Variants in LINGO2 observed in about 807,000 individuals in gnomAD.
LINGO2 encodes the protein leucine-rich repeat and immunoglobulin-like domain-containing nogo receptor-interacting protein 2.
In LINGO2, 14 loss-of-function variants were observed where a neutral mutation model predicts 30.6. The observed-to-expected ratio is 0.46, with a 90% CI of 0.30 to 0.72. LINGO2 has a LOEUF of 0.72. Among genes scored for constraint, LINGO2 ranks in the 30% least tolerant of loss-of-function variants. The pLI, the probability that LINGO2 is intolerant of heterozygous loss-of-function variation, is 0.07. For missense variants in LINGO2, 729 were observed against 751.7 expected (o/e 0.97, Z 0.35); for synonymous variants, 317 against 288.5 (o/e 1.10, Z -1.00).
At chr9:29,189,170 C>T in the LINGO2 span, among the ~76,000 whole-genome samples, 17 of 142,190 alleles carry the variant, frequency 1.2e-4, no homozygotes, top group Non-Finnish European at 3.1e-5. Context: ...CCCTCCTGGA[C>T]GGGGCGGCTG....
At chr9:28,345,715 T>C (rs1421703828) in intron 3 of LINGO2, among the ~76,000 whole-genome samples, 1 of 152,194 alleles carries the variant, frequency 6.6e-6, no homozygotes, top group African/African-American at 2.4e-5. Flanking sequence ...CAAACTCTTC[T>C]TGACTCTCAT....
intron 4 of LINGO2, among the ~76,000 whole-genome samples, chr9:28,184,250 T>C (rs962359608): frequency 9.2e-5 from 14 of 152,306 alleles, no homozygotes; most frequent in Admixed American, 4.6e-4. Flanking sequence ...ACTTCTTTTG[T>C]ATACTTCCAC....
At chr9:29,061,039 C>A in the LINGO2 span, among the ~76,000 whole-genome samples, 16 of 151,824 alleles carry the variant, frequency 1.1e-4, no homozygotes, top group African/African-American at 3.9e-4. Context: ...TGAAGTCTGG[C>A]AGACTCAAAA....
At chr9:28,393,583 C>T (rs1002093605) in intron 2 of LINGO2, among the ~76,000 whole-genome samples, 1 of 152,158 alleles carries the variant, frequency 6.6e-6, no homozygotes, top group African/African-American at 2.4e-5. Flanking sequence ...CAAGACTAAA[C>T]ATTTATCCTT....
At chr9:28,423,069 T>C (rs899610536) in intron 2 of LINGO2, among the ~76,000 whole-genome samples, 10 of 152,052 alleles carry the variant, frequency 6.6e-5, no homozygotes, top group Non-Finnish European at 1.5e-5. Flanking sequence ...ATTTCCAGTT[T>C]TGCAGGACGA....
chr9:28,804,631 T>C, the LINGO2 span, among the ~76,000 whole-genome samples: 12 of 152,208 alleles, frequency 7.9e-5, no homozygotes, highest in East Asian at 1.9e-3. Flanking sequence ...ATTTTATTTA[T>C]TGTTTTTCCT....
chr9:28,760,608 C>A, the LINGO2 span, among the ~76,000 whole-genome samples: 8 of 151,880 alleles, frequency 5.3e-5, no homozygotes, highest in African/African-American at 1.9e-4. Context: ...CCCATCACCC[C>A]AGCAGTGTAC....
chr9:28,630,335 T>C (rs62548184), intron 1 of LINGO2, among the ~76,000 whole-genome samples: 12,103 of 152,150 alleles, frequency 0.08, 672 homozygotes, highest in Admixed American at 0.2. Context: ...TATATTCTAA[T>C]TGGCTCATCT....
At chr9:28,686,341 G>A in the LINGO2 span, among the ~76,000 whole-genome samples, 3 of 151,928 alleles carry the variant, frequency 2.0e-5, no homozygotes, top group Non-Finnish European at 4.4e-5. Context: ...CTCTGGTACT[G>A]TACATATTAT....
chr9:28,868,849 A>G, the LINGO2 span, among the ~76,000 whole-genome samples: 1 of 152,068 alleles, frequency 6.6e-6, no homozygotes, highest in Admixed American at 6.6e-5. Context: ...GCAGATGAAG[A>G]TAGAAAGTAG....
intron 4 of LINGO2, among the ~76,000 whole-genome samples, chr9:28,195,398 G>A (rs1367356864): frequency 2.6e-5 from 4 of 151,060 alleles, no homozygotes; most frequent in Admixed American, 2.6e-4. Context: ...GACAAAAAGC[G>A]AAATAGAAAA....
chr9:28,285,621 G>A (rs1252526300), intron 4 of LINGO2, among the ~76,000 whole-genome samples: 2 of 151,872 alleles, frequency 1.3e-5, no homozygotes, highest in Admixed American at 1.3e-4. Context: ...TAGCCAGGAT[G>A]GTCTCGATCT....
chr9:29,052,092 T>C, the LINGO2 span, among the ~76,000 whole-genome samples: 2 of 152,168 alleles, frequency 1.3e-5, no homozygotes, highest in Non-Finnish European at 2.9e-5. Flanking sequence ...TACAAAACCA[T>C]ATAACTGATA....
At chr9:28,583,156 A>G (rs548008455) in intron 1 of LINGO2, among the ~76,000 whole-genome samples, 2 of 152,150 alleles carry the variant, frequency 1.3e-5, no homozygotes, top group South Asian at 2.1e-4. Context: ...TTTCTCAACT[A>G]GTACCAAAGA....
intron 2 of LINGO2, among the ~76,000 whole-genome samples, chr9:28,468,804 A>T (rs1825410379): frequency 6.6e-6 from 1 of 152,222 alleles, no homozygotes; most frequent in South Asian, 2.1e-4. Context: ...TACATTGATT[A>T]GTAAGTTTTC....
chr9:28,348,057 A>G (rs1819661510), intron 3 of LINGO2, among the ~76,000 whole-genome samples: 1 of 152,188 alleles, frequency 6.6e-6, no homozygotes. Context: ...AACAGGTCAT[A>G]GGATTGTAGG....
chr9:28,016,211 A>C (rs959036631), intron 4 of LINGO2, among the ~76,000 whole-genome samples: 1 of 152,218 alleles, frequency 6.6e-6, no homozygotes, highest in African/African-American at 2.4e-5. Context: ...TGGGACCTAA[A>C]ATTACATTAA....
the LINGO2 span, among the ~76,000 whole-genome samples, chr9:28,977,774 G>A: frequency 1.3e-4 from 20 of 152,160 alleles, no homozygotes; most frequent in African/African-American, 4.3e-4. Context: ...GGACTCTGAG[G>A]ATTTTAAATT....
intron 4 of LINGO2, among the ~76,000 whole-genome samples, chr9:28,022,858 TCTG>T (rs888585787): frequency 1.4e-4 from 17 of 120,742 alleles, no homozygotes; most frequent in African/African-American, 3.9e-4. Flanking sequence ...CTGGATGTTC[TCTG>T]CTGATTTTTT....
Sources: allele counts gnomAD v4.1 joint callset (sites outside exome capture counted in the v4.1 genomes callset), GRCh38; gene constraint gnomAD v4.1.1; transcripts MANE v1.5; gene names NCBI Gene and HGNC (gene_info 2026-07-23, HGNC 2026-07-21).